HDHD2: variants seen among roughly 807,000 people sequenced by gnomAD.
HDHD2 encodes the protein haloacid dehalogenase like hydrolase domain containing 2, also known as haloacid dehalogenase-like hydrolase domain-containing protein 2.
A neutral mutation model predicts 24.8 loss-of-function variants in HDHD2; 26 were observed. That is an observed-to-expected ratio of 1.05 (90% CI 0.77 to 1.45). The LOEUF (loss-of-function observed/expected upper bound fraction) is 1.45. Among genes scored for constraint, HDHD2 ranks in the 40% most tolerant of loss-of-function variants. HDHD2 has a pLI of 0.00. For synonymous variants in HDHD2, 128 were observed against 114.9 expected, an observed-to-expected ratio of 1.11 and a Z score of -0.73; for missense variants, 299 against 313.4, an observed-to-expected ratio of 0.95 and a Z score of 0.35.
chr18:47,115,171 G>A lies in HDHD2; in HGVS notation c.573C>T (p.Gly191=), dbSNP rs2063547813. Residue 191 remains glycine (G), a synonymous_variant, in exon 5 of 7, where the codon GGC becomes GGT. Transcript: ENST00000300605. The part of the protein sequence containing the change: ...EKTFFLEALR[G]TGCEPEEAVM... Reference sequence around the variant, plus strand: ...CAGCCTCCTCAGGTTCACAGCCAGTGCCCCGCAATGCTTCCAAAAAGAACG... The same window carrying A: ...CAGCCTCCTCAGGTTCACAGCCAGTACCCCGCAATGCTTCCAAAAAGAACG... 2.5e-6 allele frequency: 4 copies of A among 1,613,684 alleles called. No homozygotes were observed. The highest frequency in any genetic ancestry group is 2.7e-5 in the African/African-American group (2 of 74,870).
chr18:47,145,260 G>A (rs2063858001), intron 1 of HDHD2, among the ~76,000 whole-genome samples: 1 of 152,192 alleles, frequency 6.6e-6, no homozygotes, highest in South Asian at 2.1e-4. Flanking sequence ...AATTTGATAA[G>A]CTGATACTAA....
At position 47,121,720 on chromosome 18, in the gene HDHD2, CG is replaced by C. The variant is rs566223068; in HGVS notation, c.396-6373del. On this transcript the variant is annotated intron_variant, in intron 4 of 6. Coordinates refer to ENST00000300605, the MANE Select transcript of HDHD2 (RefSeq NM_032124.5). ...GCCTTGCCCTATCTATCCCCAACCC[CG>C]CATCTCCACTCTCAAGTTACCTTTC... Among the ~76,000 whole-genome samples, 58 of 152,254 alleles carry C rather than the reference CG, an allele frequency of 3.8e-4. No homozygotes were observed. In the South Asian group the frequency reaches 0.012, roughly 32 times the overall value.
At chr18:47,116,860 T>A (rs955086389) in intron 4 of HDHD2, among the ~76,000 whole-genome samples, 6 of 152,262 alleles carry the variant, frequency 3.9e-5, no homozygotes, top group African/African-American at 1.2e-4. Flanking sequence ...TTAGCTTTGT[T>A]AATATTTTAT....
rs1342504371 is a variant in HDHD2, at chr18:47,129,312, A to G, written c.395+932T>C. Among the ~76,000 whole-genome samples, 4 of 152,196 alleles carry G rather than the reference A, an allele frequency of 2.6e-5. No homozygotes were observed. In the East Asian group the frequency reaches 7.7e-4, roughly 29 times the overall value. ...AAGTAGCAGCAAAATAGTTCATTTA[A>G]GTGAAATGCACACATTAACTGAAGA... is the stretch of plus-strand genomic sequence containing the variant. On this transcript the variant is annotated intron_variant, in intron 4 of 6. Coordinates refer to ENST00000300605, the MANE Select transcript of HDHD2 (RefSeq NM_032124.5).
intron 4 of HDHD2, among the ~76,000 whole-genome samples, chr18:47,126,985 C>A (rs1018557326): frequency 6.6e-6 from 1 of 152,022 alleles, no homozygotes; most frequent in African/African-American, 2.4e-5. Context: ...CATGGTGAAA[C>A]CCCGTCTCTA....
intron 1 of HDHD2, among the ~76,000 whole-genome samples, chr18:47,142,169 A>T (rs1244475757): frequency 6.6e-6 from 1 of 152,176 alleles, no homozygotes; most frequent in Non-Finnish European, 1.5e-5. Flanking sequence ...ATGAACTAGT[A>T]CAGATTTTTA....
chr18:47,123,726 C>CA (rs1003804545), intron 4 of HDHD2, among the ~76,000 whole-genome samples: 95 of 150,554 alleles, frequency 6.3e-4, no homozygotes, highest in African/African-American at 1.9e-3. Context: ...AAAAACGAAA[C>CA]AAAAAAAAAC....
intron 4 of HDHD2, among the ~76,000 whole-genome samples, chr18:47,128,120 A>G (rs2063677823): frequency 6.6e-6 from 1 of 152,242 alleles, no homozygotes; most frequent in African/African-American, 2.4e-5. Context: ...TTGTGAAATT[A>G]GAGTTGACCT....
At chr18:47,133,689 A>G (rs376884047) in intron 3 of HDHD2, among the ~76,000 whole-genome samples, 4 of 151,880 alleles carry the variant, frequency 2.6e-5, no homozygotes, top group African/African-American at 4.8e-5. Flanking sequence ...GTGTGAGATG[A>G]TATCTCATTG....
chr18:47,137,301 C>T (rs530991324), intron 1 of HDHD2: 1 of 422,304 alleles, frequency 2.4e-6, no homozygotes, highest in Non-Finnish European at 4.4e-6. Context: ...AGGTGTCTAG[C>T]GAAAAGGGAA....
At chr18:47,148,386 G>C (rs1320390510) in intron 1 of HDHD2, among the ~76,000 whole-genome samples, 1 of 152,158 alleles carries the variant, frequency 6.6e-6, no homozygotes, top group Non-Finnish European at 1.5e-5. Flanking sequence ...AACTATAAAG[G>C]CTTCAAAGGT....
chr18:47,112,490 A>G (rs2144277520), intron 6 of HDHD2, among the ~76,000 whole-genome samples: 1 of 152,324 alleles, frequency 6.6e-6, no homozygotes, highest in East Asian at 1.9e-4. Flanking sequence ...AATACTTCTT[A>G]ACCTTTTGCT....
intron 4 of HDHD2, among the ~76,000 whole-genome samples, chr18:47,120,905 G>T (rs887498514): frequency 4.6e-5 from 7 of 152,072 alleles, no homozygotes; most frequent in Admixed American, 4.6e-4. Flanking sequence ...CTTAACATGG[G>T]CATGGTTTGT....
At chr18:47,149,500 A>G (rs1227170097) in intron 1 of HDHD2, among the ~76,000 whole-genome samples, 1 of 152,148 alleles carries the variant, frequency 6.6e-6, no homozygotes, top group Non-Finnish European at 1.5e-5. Flanking sequence ...AACAATGAAC[A>G]CTGGTGGACA....
chr18:47,138,889 G>A (rs2063793138), intron 1 of HDHD2, among the ~76,000 whole-genome samples: 1 of 152,148 alleles, frequency 6.6e-6, no homozygotes, highest in Admixed American at 6.5e-5. Flanking sequence ...AGGCCTTACT[G>A]GGTTTAGATC....
chr18:47,124,580 G>A (rs1218600422), intron 4 of HDHD2, among the ~76,000 whole-genome samples: 1 of 151,490 alleles, frequency 6.6e-6, no homozygotes, highest in Non-Finnish European at 1.5e-5. Flanking sequence ...GTGGTGCATG[G>A]CTGTAATCCC....
At chr18:47,110,314 A>G in intron 6 of HDHD2, 1 of 985,100 alleles carries the variant, frequency 1.0e-6, no homozygotes, top group Non-Finnish European at 1.2e-6. Context: ...TAATTAATAT[A>G]TACCTCACTC....
At chr18:47,133,550 C>T (rs533536901) in intron 3 of HDHD2, among the ~76,000 whole-genome samples, 3 of 149,230 alleles carry the variant, frequency 2.0e-5, no homozygotes, top group East Asian at 2.0e-4. Flanking sequence ...CTTGAGGAAT[C>T]GCCACACTGT....
At chr18:47,113,172 A>G in intron 5 of HDHD2, 132 bp from the exon 6 acceptor site, 1 of 748,772 alleles carries the variant, frequency 1.3e-6, no homozygotes. Context: ...AAAAGAGAAG[A>G]TGTAAAAGGT....
Sources: allele counts gnomAD v4.1 joint callset (sites outside exome capture counted in the v4.1 genomes callset), GRCh38; gene constraint gnomAD v4.1.1; transcripts MANE v1.5; gene names NCBI Gene and HGNC (gene_info 2026-07-23, HGNC 2026-07-21).